SKI: variants seen among roughly 807,000 people sequenced by gnomAD.
SKI encodes the protein ski oncogene.
A neutral mutation model predicts 59.3 loss-of-function variants in SKI; 23 were observed. The observed-to-expected ratio is 0.39, with a 90% CI of 0.28 to 0.55. The LOEUF (loss-of-function observed/expected upper bound fraction) is 0.55, where lower values mean the gene tolerates loss of function less well. SKI is among the 20% of genes least tolerant of loss of function. The pLI is 0.67. For synonymous variants in SKI, 673 were observed against 488.6 expected, an observed-to-expected ratio of 1.38 and a Z score of -4.98; for missense variants, 1,017 against 1,038.9, an observed-to-expected ratio of 0.98 and a Z score of 0.29.
intron 1 of SKI, chr1:2,240,885 C>A: frequency 1.2e-6 from 1 of 817,512 alleles, no homozygotes; most frequent in Non-Finnish European, 1.5e-6. Context: ...GGGGAAGTGG[C>A]CCTGCGTCGA....
At chr1:2,234,847 A>G (rs951001261) in intron 1 of SKI, among the ~76,000 whole-genome samples, 2 of 152,194 alleles carry the variant, frequency 1.3e-5, no homozygotes, top group Admixed American at 1.3e-4. Flanking sequence ...GAGAGCTGGA[A>G]AAGAAGGCCC....
intron 1 of SKI, among the ~76,000 whole-genome samples, chr1:2,301,055 T>C (rs1640412839): frequency 6.6e-6 from 1 of 152,184 alleles, no homozygotes. Flanking sequence ...CTGTTGTGGC[T>C]TTTCCCCGGG....
chr1:2,266,691 C>T (rs1387228148), intron 1 of SKI, among the ~76,000 whole-genome samples: 2 of 152,182 alleles, frequency 1.3e-5, no homozygotes, highest in African/African-American at 2.4e-5. Context: ...GCCCTGGCAT[C>T]GCAGTCCATG....
Position 2,304,421 on chromosome 1 carries a change from C to G in SKI, c.1603C>G (p.Pro535Ala). 6.4e-7 allele frequency: 1 copy of G among 1,556,756 alleles called. No homozygotes were observed. The highest frequency in any genetic ancestry group is 8.7e-7 in the Non-Finnish European group (1 of 1,150,862). Residue 535 changes from proline (P) to alanine (A), a missense_variant, in exon 5 of 7, where the codon CCC (proline) becomes GCC (alanine). By Grantham distance (27) the Pro-to-Ala change is conservative (BLOSUM62 -1). Transcript: ENST00000378536. ...TGATGCTGCGGCCCCTGCCGACGCC[C>G]CCAGTGGGCTGGAGGCGGAGCTGGA... Reference protein sequence around the residue: ...VPDAAAPADAPSGLEAELEHL... With the variant: ...VPDAAAPADAASGLEAELEHL...
At position 2,270,995 on chromosome 1, in the gene SKI, T is replaced by C. The variant is rs1488379196; in HGVS notation, c.970-31983T>C. Among the ~76,000 whole-genome samples the C allele has an allele frequency of 6.6e-6, 1 of 152,088 alleles. No individual in the cohort carries two copies. The highest frequency in any genetic ancestry group is 1.5e-5 in the Non-Finnish European group (1 of 67,992). On this transcript the variant is annotated intron_variant, in intron 1 of 6. Coordinates refer to ENST00000378536, the MANE Select transcript of SKI (RefSeq NM_003036.4). This position sits in a 1 kb window ranked among gnomAD's most constrained non-coding sequence, Gnocchi z 4.1. ...AGTGCCTGGCCTCAGGCCTGGGCTGTGGGGATGACTGAGGCCCAGTGAGGA... is the reference window on the plus strand; with the variant it reads ...AGTGCCTGGCCTCAGGCCTGGGCTGCGGGGATGACTGAGGCCCAGTGAGGA...
intron 1 of SKI, among the ~76,000 whole-genome samples, chr1:2,245,940 G>A (rs263534): frequency 0.014 from 2,198 of 151,838 alleles, 42 homozygotes; most frequent in African/African-American, 0.051. Flanking sequence ...GGGGCTATAG[G>A]TGTGTGCCAC....
rs766659705 is a variant in SKI at position 2,304,053 on chromosome 1, G to A, written c.1425G>A (p.Glu475=). Residue 475 remains glutamate, a synonymous_variant, in exon 4 of 7, where the codon GAG becomes GAA. Coordinates refer to ENST00000378536, the MANE Select transcript of SKI (RefSeq NM_003036.4). ...CGCTGGCGCCCGTGGCTGCCCCAGA[G>A]GAGGACAAGGACTCGGAGGCGGAGG... ...PETLAPVAAP[E]EDKDSEAEVE... The A allele has an allele frequency of 5.6e-6, 9 of 1,612,628 alleles. No homozygotes were observed. The highest frequency in any genetic ancestry group is 7.6e-6 in the Non-Finnish European group (9 of 1,179,922).
At chr1:2,242,005 G>T (rs1378059786) in intron 1 of SKI, among the ~76,000 whole-genome samples, 1 of 152,162 alleles carries the variant, frequency 6.6e-6, no homozygotes, top group African/African-American at 2.4e-5. Context: ...GTGTGGTGCT[G>T]TGATGGGCTG....
chr1:2,234,740 A>G (rs1393780769), intron 1 of SKI, among the ~76,000 whole-genome samples: 2 of 152,252 alleles, frequency 1.3e-5, no homozygotes, highest in East Asian at 1.9e-4. Flanking sequence ...GGATTTCTCC[A>G]CTGGAAGAAT....
At chr1:2,293,911 C>G (rs1317207181) in intron 1 of SKI, among the ~76,000 whole-genome samples, 1 of 152,234 alleles carries the variant, frequency 6.6e-6, no homozygotes, top group East Asian at 1.9e-4. Context: ...GCGGTGGTCA[C>G]CGCGCCACCA....
At chr1:2,266,965 C>T (rs964200562) in intron 1 of SKI, among the ~76,000 whole-genome samples, 5 of 152,154 alleles carry the variant, frequency 3.3e-5, no homozygotes, top group South Asian at 2.1e-4. Flanking sequence ...GGGCAAATCA[C>T]GCTCCGTGGC....
Position 2,229,060 on chromosome 1 carries a change from C to G in SKI, c.294C>G (p.Thr98=). The change falls in exon 1 of 7, where the codon ACC becomes ACG. Residue 98 remains threonine, a synonymous_variant. Transcript: ENST00000378536. This position sits in a 1 kb window ranked among gnomAD's most constrained non-coding sequence, Gnocchi z 6.3. ...TCTTCATGCCGTCCGACCGCTCCAC[C>G]GAGCGCTGCGAGACCGTACTGGAAG... ...GPFFMPSDRS[T]ERCETVLEGE... 2 of 1,606,482 alleles carry G rather than the reference C, an allele frequency of 1.2e-6. No homozygotes were observed. The highest frequency in any genetic ancestry group is 1.7e-6 in the Non-Finnish European group (2 of 1,179,728).
chr1:2,285,423 G>A (rs1234840869), intron 1 of SKI, among the ~76,000 whole-genome samples: 1 of 151,914 alleles, frequency 6.6e-6, no homozygotes, highest in Non-Finnish European at 1.5e-5. Context: ...GCTGAGGCAG[G>A]AGAATTGCTT....
chr1:2,306,372 C>T (rs1640578546), intron 6 of SKI, 122 bp downstream of exon 6: 4 of 1,057,234 alleles, frequency 3.8e-6, no homozygotes, highest in African/African-American at 1.6e-5. Context: ...GGACCACGTT[C>T]CGTGCGTGCC....
chr1:2,288,620 G>T (rs946243774), intron 1 of SKI, among the ~76,000 whole-genome samples: 1 of 152,222 alleles, frequency 6.6e-6, no homozygotes, highest in African/African-American at 2.4e-5. Context: ...GGAGTCGTGG[G>T]ATGTGTTCTC....
At chr1:2,249,136 C>T (rs896060664) in intron 1 of SKI, among the ~76,000 whole-genome samples, 3 of 152,204 alleles carry the variant, frequency 2.0e-5, no homozygotes, top group Admixed American at 6.5e-5. Flanking sequence ...CCCTGATGGT[C>T]GGCTCTGAGT....
chr1:2,275,619 T>G (rs938120756), intron 1 of SKI, among the ~76,000 whole-genome samples: 4 of 152,114 alleles, frequency 2.6e-5, no homozygotes, highest in Non-Finnish European at 5.9e-5. Context: ...TTCACGCCAT[T>G]CTCCTGCCTC....
chr1:2,309,504 C>T lies in SKI; in HGVS notation c.*2739C>T, dbSNP rs1640689718. The T allele has an allele frequency of 6.6e-6, 1 of 152,094 alleles. No homozygotes were observed. The highest frequency in any genetic ancestry group is 1.5e-5 in the Non-Finnish European group (1 of 68,020). 9.4% of individuals were successfully genotyped at this position (152,094 alleles called of 1,614,324 possible). A position where few individuals can be genotyped will look rare whatever the true frequency, so the allele number is the denominator to read the frequency against. ...TGTATTATACATGTATATGCTGGGT[C>T]CTTTTTCAGAAACTCTTTTCTTACC... On this transcript the variant is annotated 3_prime_UTR_variant, in exon 7 of 7. Coordinates refer to ENST00000378536, the MANE Select transcript of SKI (RefSeq NM_003036.4).
rs1222953922 is a variant in SKI at position 2,270,242 on chromosome 1, G to A, written c.970-32736G>A. Among the ~76,000 whole-genome samples the A allele has an allele frequency of 1.3e-5, 2 of 152,326 alleles. No individual in the cohort carries two copies. The highest frequency in any genetic ancestry group is 6.5e-5 in the Admixed American group (1 of 15,310). On this transcript the variant is annotated intron_variant, in intron 1 of 6. Coordinates refer to ENST00000378536, the MANE Select transcript of SKI (RefSeq NM_003036.4). This position sits in a 1 kb window ranked among gnomAD's most constrained non-coding sequence, Gnocchi z 4.1. The stretch of plus-strand genomic sequence containing the variant: ...AGGTGGGCCCACTGGCTGGCGCTGC[G>A]TCTGGGTTCGGTCCTGGACCTGCTG...
Sources: allele counts gnomAD v4.1 joint callset (sites outside exome capture counted in the v4.1 genomes callset), GRCh38; gene constraint gnomAD v4.1.1; non-coding constraint Gnocchi (gnomAD v3.1); transcripts MANE v1.5; gene names NCBI Gene and HGNC (gene_info 2026-07-23, HGNC 2026-07-21).